CFAP44: variants seen among roughly 807,000 people sequenced by gnomAD.
CFAP44 encodes the protein cilia and flagella associated protein 44.
Under a neutral mutation model 216.2 loss-of-function variants are expected in CFAP44, and 134 were observed. The observed-to-expected ratio is 0.62, with a 90% CI of 0.54 to 0.72. CFAP44 has a LOEUF of 0.72. Ranked by LOEUF, CFAP44 falls within the 30% of genes least tolerant of loss-of-function variation. CFAP44 has a pLI of 0.00. For synonymous variants in CFAP44, 700 were observed against 727.6 expected, an observed-to-expected ratio of 0.96 and a Z score of 0.61; for missense variants, 2,035 against 2,182.1, an observed-to-expected ratio of 0.93 and a Z score of 1.34.
chr3:113,385,683 A>C (rs1384348441), intron 15 of CFAP44, among the ~76,000 whole-genome samples: 2 of 152,142 alleles, frequency 1.3e-5, no homozygotes, highest in African/African-American at 4.8e-5. Flanking sequence ...ACTCTCACCC[A>C]GGCTGGAGGG....
At chr3:113,430,715 C>T (rs1184446107) in intron 2 of CFAP44, among the ~76,000 whole-genome samples, 1 of 152,022 alleles carries the variant, frequency 6.6e-6, no homozygotes, top group African/African-American at 2.4e-5. Flanking sequence ...AAAATTTTCC[C>T]ACTCATCAAG....
chr3:113,326,932 A>G (rs1428168448), intron 27 of CFAP44, among the ~76,000 whole-genome samples: 1 of 152,138 alleles, frequency 6.6e-6, no homozygotes. Context: ...TAAATTGAAT[A>G]TGTGGATGTC....
At position 113,441,456 on chromosome 3, in the gene CFAP44, A is replaced by C; in HGVS notation, c.-9T>G. On this transcript the variant is annotated 5_prime_UTR_variant, in exon 1 of 35. Transcript: ENST00000393845. ...GGCTGCTGAGGTCCAAACTCACCGA[A>C]GGTACTGACCGCCGCGGCTCCTCTC... 10 of 985,346 alleles carry C rather than the reference A, an allele frequency of 1.0e-5. No individual in the cohort carries two copies. The highest frequency in any genetic ancestry group is 1.2e-5 in the Non-Finnish European group (10 of 830,064). The allele number at this position is 985,346 out of a possible 1,614,324, so 61.0% of individuals were successfully genotyped here.
At chr3:113,429,351 T>A (rs1935042654) in intron 2 of CFAP44, among the ~76,000 whole-genome samples, 3 of 152,184 alleles carry the variant, frequency 2.0e-5, no homozygotes, top group Admixed American at 6.5e-5. Context: ...TTTATCTTTA[T>A]GAATAAATTG....
intron 28 of CFAP44, among the ~76,000 whole-genome samples, chr3:113,325,814 A>G (rs1950184524): frequency 6.6e-6 from 1 of 152,222 alleles, no homozygotes; most frequent in Admixed American, 6.5e-5. Flanking sequence ...TAAGGGCTCA[A>G]TATGTAGCTA....
At chr3:113,414,361 T>A (rs1467714569) in intron 6 of CFAP44, among the ~76,000 whole-genome samples, 1 of 152,216 alleles carries the variant, frequency 6.6e-6, no homozygotes, top group Non-Finnish European at 1.5e-5. Flanking sequence ...TTCTTTCTCT[T>A]GCCTGATTTC....
At chr3:113,436,018 A>AG (rs1361549199) in intron 1 of CFAP44, among the ~76,000 whole-genome samples, 1 of 150,340 alleles carries the variant, frequency 6.7e-6, no homozygotes, top group African/African-American at 2.5e-5. Flanking sequence ...GGGTTTATGG[A>AG]GGGGGTGGGG....
Position 113,327,825 on chromosome 3 carries a change from A to T in CFAP44, c.4117-6T>A, listed in dbSNP as rs991460259. ...GTGACAACCAGTTCTTTGATCTGAG[A>T]TGGAAAAAATATTTGCGGATACGTT... On this transcript the variant is annotated splice_polypyrimidine_tract_variant and splice_region_variant and intron_variant, in intron 26 of 34. Coordinates refer to ENST00000393845, the MANE Select transcript of CFAP44 (RefSeq NM_001164496.2). The T allele has an allele frequency of 2.6e-6, 4 of 1,536,102 alleles. No individual in the cohort carries two copies. The highest frequency in any genetic ancestry group is 3.4e-4 in the Middle Eastern group (2 of 5,804).
rs928497273 is a variant in CFAP44 at position 113,288,728 on chromosome 3, T to G, written c.*2829A>C. On this transcript the variant is annotated 3_prime_UTR_variant, in exon 35 of 35. Transcript: ENST00000393845. The stretch of plus-strand genomic sequence containing the variant: ...ACAGCACTGGAATCATAGCACTCAA[T>G]GGATTTAGCTCTAAAGAGAAATTTA... The G allele has an allele frequency of 1.3e-5, 2 of 152,232 alleles. No homozygotes were observed. Among genetic ancestry groups the G allele is most frequent in the African/African-American group, 4.8e-5 (2 of 41,440 alleles). The allele number at this position is 152,232 out of a possible 1,614,324, so 9.4% of individuals were successfully genotyped here.
chr3:113,367,839 G>C lies in CFAP44; in HGVS notation c.2445-1530C>G, dbSNP rs200044234. Among the ~76,000 whole-genome samples the C allele has an allele frequency of 3.3e-5, 5 of 151,966 alleles. No individual in the cohort carries two copies. In the East Asian group the frequency reaches 7.7e-4, roughly 24 times the overall value. ...CCATTGCAAAGAAGCTAAAAACCTTGAAAAAAAGGTTAGATGAATGGCTAA... is the reference window on the plus strand; with the variant it reads ...CCATTGCAAAGAAGCTAAAAACCTTCAAAAAAAGGTTAGATGAATGGCTAA... On this transcript the variant is annotated intron_variant, in intron 18 of 34. Transcript: ENST00000393845.
chr3:113,353,772 G>C (rs1345086468), intron 22 of CFAP44, among the ~76,000 whole-genome samples: 1 of 152,202 alleles, frequency 6.6e-6, no homozygotes, highest in African/African-American at 2.4e-5. Flanking sequence ...GAGTCAGAGA[G>C]AGAGAACCAG....
intron 30 of CFAP44, 83 bp from the exon 31 acceptor site, chr3:113,305,235 G>A: frequency 8.3e-7 from 1 of 1,202,396 alleles, no homozygotes; most frequent in Non-Finnish European, 1.2e-6. Flanking sequence ...CATCTTGGGA[G>A]GAAGTAAAGC....
intron 21 of CFAP44, among the ~76,000 whole-genome samples, chr3:113,361,741 G>A (rs1468544845): frequency 4.6e-5 from 7 of 151,466 alleles, no homozygotes; most frequent in South Asian, 2.1e-4. Context: ...CTCATGATCC[G>A]CCCGCCTCGG....
chr3:113,351,643 T>G (rs1198141818), intron 22 of CFAP44, among the ~76,000 whole-genome samples: 1 of 152,176 alleles, frequency 6.6e-6, no homozygotes, highest in African/African-American at 2.4e-5. Flanking sequence ...TCAGGGATAG[T>G]ACGAGATGCC....
Position 113,401,278 on chromosome 3 carries a change from C to T in CFAP44, c.1336G>A (p.Gly446Arg). 6.3e-7 allele frequency: 1 copy of T among 1,582,102 alleles called. No homozygotes were observed. Among genetic ancestry groups the T allele is most frequent in the South Asian group, 1.2e-5 (1 of 83,160 alleles). Reference protein sequence around the residue: ...NNFWLAQDANGAIWKLDLSFS... With the variant: ...NNFWLAQDANRAIWKLDLSFS... ...CTAAGGTCAAGCTTCCATATGGCTC[C>T]ATTGGCATCCTAAAAAAATTAAATA... Residue 446 changes from glycine to arginine, a missense_variant, in exon 11 of 35, where the codon GGA becomes AGA. Gly to Arg is a moderately radical substitution (Grantham distance 125, BLOSUM62 -2). Around this residue, in one of 3 missense-constraint regions of CFAP44, gnomAD observed 1,883 missense variants for 2,023.7 expected, o/e 0.93. Transcript: ENST00000393845.
chr3:113,345,674 C>T (rs538402119), intron 22 of CFAP44, among the ~76,000 whole-genome samples: 3 of 152,144 alleles, frequency 2.0e-5, no homozygotes, highest in Non-Finnish European at 2.9e-5. Context: ...AAAAGCTCTT[C>T]ATCTATCAAC....
chr3:113,341,576 C>T (rs181946272), intron 24 of CFAP44, among the ~76,000 whole-genome samples, 168 bp downstream of exon 24: 22 of 152,124 alleles, frequency 1.4e-4, no homozygotes, highest in African/African-American at 4.6e-4. Flanking sequence ...AGTATCACCA[C>T]CCTAAAAGAT....
chr3:113,313,102 C>T (rs558443033), intron 28 of CFAP44, among the ~76,000 whole-genome samples: 84 of 152,216 alleles, frequency 5.5e-4, no homozygotes, highest in Admixed American at 2.0e-3. Flanking sequence ...AAGCCGCAGA[C>T]GCTCAATGCC....
rs757348195 is a variant in CFAP44 at position 113,418,731 on chromosome 3, A to G, written c.570+1286T>C. Among the ~76,000 whole-genome samples the G allele has an allele frequency of 2.6e-5, 4 of 151,366 alleles. No individual in the cohort carries two copies. The South Asian group carries it at 8.4e-4, about 32-fold the overall frequency. On this transcript the variant is annotated intron_variant, in intron 5 of 34. Coordinates refer to ENST00000393845, the MANE Select transcript of CFAP44 (RefSeq NM_001164496.2). The stretch of plus-strand genomic sequence containing the variant: ...TTTTTGGGTTTTTTTTTTGAGACAG[A>G]GTCTTGCCCTGTCGCCCAGGCTGAA...
Sources: gnomAD v4.1 joint callset for allele counts (sites outside exome capture counted in the v4.1 genomes callset) on GRCh38, gnomAD v4.1.1 for gene constraint, gnomAD v4.1.1 regional missense constraint, MANE v1.5 for transcripts, NCBI Gene and HGNC (gene_info 2026-07-23, HGNC 2026-07-21) for gene names.